The following L3MBTL4 variants were observed in gnomAD, a reference collection of about 807,000 sequenced individuals.
L3MBTL4 encodes L3MBTL histone methyl-lysine binding protein 4.
A neutral mutation model predicts 84.5 loss-of-function variants in L3MBTL4; 70 were observed. The ratio of observed to expected loss-of-function variants is 0.83; its 90% CI spans 0.68 to 1.01. L3MBTL4 has a LOEUF of 1.01. L3MBTL4 is among the 50% of genes least tolerant of loss of function. L3MBTL4 has a pLI of 0.00. For synonymous variants in L3MBTL4, 274 were observed against 259.8 expected, an observed-to-expected ratio of 1.05 and a Z score of -0.52; for missense variants, 715 against 754.8, an observed-to-expected ratio of 0.95 and a Z score of 0.62.
chr18:5,982,935 A>G (rs1370782342), intron 16 of L3MBTL4, among the ~76,000 whole-genome samples: 1 of 152,250 alleles, frequency 6.6e-6, no homozygotes, highest in African/African-American at 2.4e-5. Flanking sequence ...TAAAGCTATC[A>G]TATCAGAAAT....
chr18:6,184,780 C>T (rs190790317), intron 12 of L3MBTL4, among the ~76,000 whole-genome samples: 36 of 152,254 alleles, frequency 2.4e-4, no homozygotes, highest in African/African-American at 6.7e-4. Context: ...GAGAGCTCCA[C>T]CCACATCTCA....
At chr18:6,249,334 CA>C (rs1223842308) in intron 5 of L3MBTL4, among the ~76,000 whole-genome samples, 1 of 152,084 alleles carries the variant, frequency 6.6e-6, no homozygotes, top group Non-Finnish European at 1.5e-5. Context: ...TGAAACACTG[CA>C]AAATTAGGGG....
At chr18:5,980,529 T>C (rs1251590609) in intron 16 of L3MBTL4, among the ~76,000 whole-genome samples, 1 of 149,928 alleles carries the variant, frequency 6.7e-6, no homozygotes, top group Non-Finnish European at 1.5e-5. Context: ...CCTCCTGGGT[T>C]CAAGCGATTC....
In L3MBTL4 at chr18:6,080,865, G is replaced by C. The variant is rs769385869; in HGVS notation, c.1444+16C>G. On this transcript the variant is annotated intron_variant, in intron 16 of 18. Transcript: ENST00000317931. ...AAAAAGTATATTCTGTGTTTTGCTA[G>C]TGTTTTTGTTTTTACCTCTGAAGAG... The C allele has an allele frequency of 1.7e-5, 26 of 1,548,228 alleles. No homozygotes were observed. Among genetic ancestry groups the C allele is most frequent in the Non-Finnish European group, 2.0e-5 (23 of 1,127,280 alleles).
rs2046302704 is a variant in L3MBTL4, at chr18:6,215,839, A to C, written c.785-4T>G. On this transcript the variant is annotated splice_region_variant and splice_polypyrimidine_tract_variant and intron_variant, in intron 10 of 18. Coordinates refer to ENST00000317931, the MANE Select transcript of L3MBTL4 (RefSeq NM_001330559.2). ...AAATTTTCTGGATTGGGATAACCTG[A>C]AAATATATATATATAAATAGCAAAA... The C allele has an allele frequency of 6.7e-7, 1 of 1,490,560 alleles. No individual in the cohort carries two copies. The highest frequency in any genetic ancestry group is 1.2e-5 in the South Asian group (1 of 84,806). 92.3% of individuals were successfully genotyped at this position (1,490,560 alleles called of 1,614,324 possible).
intron 16 of L3MBTL4, among the ~76,000 whole-genome samples, chr18:6,054,009 C>G (rs1022359771): frequency 2.6e-5 from 4 of 152,148 alleles, no homozygotes; most frequent in Admixed American, 6.5e-5. Context: ...AACACAACAC[C>G]TCTCTTCTGA....
intron 13 of L3MBTL4, among the ~76,000 whole-genome samples, chr18:6,143,669 C>A (rs745373790): frequency 1.4e-4 from 21 of 152,190 alleles, no homozygotes; most frequent in Non-Finnish European, 2.8e-4. Flanking sequence ...ATCACTTTTT[C>A]AGAAAGAGCA....
At chr18:6,039,440 T>C (rs961015400) in intron 16 of L3MBTL4, among the ~76,000 whole-genome samples, 4 of 152,216 alleles carry the variant, frequency 2.6e-5, no homozygotes, top group African/African-American at 9.6e-5. Flanking sequence ...TTTCTGAATG[T>C]CTGTGCTAAA....
At chr18:6,233,855 T>C (rs935315104) in intron 10 of L3MBTL4, among the ~76,000 whole-genome samples, 3 of 151,986 alleles carry the variant, frequency 2.0e-5, no homozygotes, top group Non-Finnish European at 4.4e-5. Flanking sequence ...GCCTGCATTG[T>C]CAAGACAATC....
chr18:5,960,311 A>C (rs560784531), intron 17 of L3MBTL4, among the ~76,000 whole-genome samples, 155 bp from the exon 18 acceptor site: 1 of 152,350 alleles, frequency 6.6e-6, no homozygotes, highest in African/African-American at 2.4e-5. Flanking sequence ...TTGTCAACTC[A>C]GAAATTAGAC....
At chr18:6,325,966 T>G (rs1343312927) in intron 1 of L3MBTL4, among the ~76,000 whole-genome samples, 2 of 152,170 alleles carry the variant, frequency 1.3e-5, no homozygotes, top group African/African-American at 4.8e-5. Context: ...AACAAGTATC[T>G]CACCAGATCT....
intron 1 of L3MBTL4, among the ~76,000 whole-genome samples, chr18:6,376,661 A>T (rs1029718539): frequency 1.3e-5 from 2 of 152,052 alleles, no homozygotes; most frequent in Non-Finnish European, 2.9e-5. Flanking sequence ...TCACTTGGAC[A>T]TGGGAGGTTG....
At chr18:6,288,196 T>C (rs2146666920) in intron 4 of L3MBTL4, among the ~76,000 whole-genome samples, 1 of 152,352 alleles carries the variant, frequency 6.6e-6, no homozygotes, top group African/African-American at 2.4e-5. Flanking sequence ...ACAATCTCTC[T>C]GTGTATGTAT....
chr18:6,147,516 A>G (rs1050928274), intron 13 of L3MBTL4, among the ~76,000 whole-genome samples: 1 of 152,232 alleles, frequency 6.6e-6, no homozygotes, highest in African/African-American at 2.4e-5. Flanking sequence ...AAAGGTTCCT[A>G]AAAATGTCAA....
chr18:6,047,703 C>T (rs963542672), intron 16 of L3MBTL4, among the ~76,000 whole-genome samples: 2 of 152,140 alleles, frequency 1.3e-5, no homozygotes, highest in African/African-American at 4.8e-5. Context: ...ATCCAACATC[C>T]TTTCATGTTA....
chr18:6,315,433 T>G (rs1264504123), intron 1 of L3MBTL4, among the ~76,000 whole-genome samples: 1 of 152,226 alleles, frequency 6.6e-6, no homozygotes, highest in African/African-American at 2.4e-5. Context: ...TGAGTCCTCA[T>G]GTACCAGGCA....
intron 15 of L3MBTL4, among the ~76,000 whole-genome samples, chr18:6,084,334 G>A (rs2058184724): frequency 6.6e-6 from 1 of 152,150 alleles, no homozygotes; most frequent in Non-Finnish European, 1.5e-5. Flanking sequence ...AGTTGTAGCA[G>A]AGACCTTTAT....
At chr18:6,188,057 T>TA (rs2044867131) in intron 12 of L3MBTL4, among the ~76,000 whole-genome samples, 1 of 152,008 alleles carries the variant, frequency 6.6e-6, no homozygotes, top group African/African-American at 2.4e-5. Context: ...TTTCAGCACT[T>TA]ATGTTCCTGA....
chr18:6,179,417 T>G (rs1456089139), intron 12 of L3MBTL4, among the ~76,000 whole-genome samples: 1 of 152,218 alleles, frequency 6.6e-6, no homozygotes, highest in Non-Finnish European at 1.5e-5. Context: ...CTATTGCTCA[T>G]AACTATTGGT....
Sources: gnomAD v4.1 joint callset for allele counts (sites outside exome capture counted in the v4.1 genomes callset) on GRCh38, gnomAD v4.1.1 for gene constraint, MANE v1.5 for transcripts, NCBI Gene and HGNC (gene_info 2026-07-23, HGNC 2026-07-21) for gene names.